Variants in NXPH2 observed in about 807,000 individuals in gnomAD.
NXPH2 encodes neurexophilin 2.
Under a neutral mutation model 19.8 loss-of-function variants are expected in NXPH2, and 5 were observed. That is an observed-to-expected ratio of 0.25 (90% CI 0.13 to 0.53). The LOEUF is 0.53. NXPH2 is among the 20% of genes least tolerant of loss of function. The pLI, the probability that NXPH2 is intolerant of heterozygous loss-of-function variation, is 0.96. For missense variants in NXPH2, 289 were observed against 322.8 expected, an observed-to-expected ratio of 0.90 and a Z score of 0.80; for synonymous variants, 154 against 127.4, an observed-to-expected ratio of 1.21 and a Z score of -1.41.
rs72986847 is a variant in NXPH2, at chr2:138,677,524, A to G, written c.52-5859T>C. 3.5e-3 allele frequency among the ~76,000 whole-genome samples: 534 copies of G among 152,320 alleles called. 3 individuals carry two copies. The highest frequency in any genetic ancestry group is 8.7e-3 in the African/African-American group (362 of 41,572). On this transcript the variant is annotated intron_variant, in intron 1 of 1. Coordinates refer to ENST00000272641, the MANE Select transcript of NXPH2 (RefSeq NM_007226.3). Reference sequence around the variant, plus strand: ...TTCATCAATTAAATGAAGCAGGTGGAAGGAAGGGAGTAGAAGAATAAGACT... The same window carrying G: ...TTCATCAATTAAATGAAGCAGGTGGGAGGAAGGGAGTAGAAGAATAAGACT...
chr2:138,754,185 T>A lies in NXPH2; in HGVS notation c.51+26006A>T, dbSNP rs137868576. Among the ~76,000 whole-genome samples the A allele has an allele frequency of 9.5e-4, 144 of 152,304 alleles. No individual in the cohort carries two copies. In the East Asian group the frequency reaches 0.021, roughly 22 times the overall value. ...TCATCCTGAAATCCCCCAGCCTCTT[T>A]ATTGATTTTTTAAGTTTACATATGT... On this transcript the variant is annotated intron_variant, in intron 1 of 1. Coordinates refer to ENST00000272641, the MANE Select transcript of NXPH2 (RefSeq NM_007226.3).
chr2:138,759,850 C>G (rs1448018817), intron 1 of NXPH2, among the ~76,000 whole-genome samples: 2 of 151,884 alleles, frequency 1.3e-5, no homozygotes, highest in African/African-American at 4.8e-5. Flanking sequence ...CTGCCTCAGC[C>G]TCCCGCTTAG....
At chr2:138,738,734 G>A (rs750402977) in intron 1 of NXPH2, among the ~76,000 whole-genome samples, 2 of 152,170 alleles carry the variant, frequency 1.3e-5, no homozygotes, top group Non-Finnish European at 2.9e-5. Context: ...CAGAACCAAG[G>A]GGACTGCCTG....
At chr2:138,737,964 C>T (rs915850351) in intron 1 of NXPH2, among the ~76,000 whole-genome samples, 13 of 151,404 alleles carry the variant, frequency 8.6e-5, no homozygotes, top group African/African-American at 2.2e-4. Context: ...ATGTGCACAA[C>T]GTGCAGGTTA....
chr2:138,718,896 G>T (rs966529953), intron 1 of NXPH2, among the ~76,000 whole-genome samples: 1 of 152,186 alleles, frequency 6.6e-6, no homozygotes, highest in East Asian at 1.9e-4. Flanking sequence ...CAGGAGACGG[G>T]AGACACAGTC....
At chr2:138,717,768 A>G (rs892751564) in intron 1 of NXPH2, among the ~76,000 whole-genome samples, 1 of 152,218 alleles carries the variant, frequency 6.6e-6, no homozygotes, top group Non-Finnish European at 1.5e-5. Flanking sequence ...AATGTTATCA[A>G]TAGAAATGTG....
At chr2:138,706,358 G>A (rs1681008854) in intron 1 of NXPH2, among the ~76,000 whole-genome samples, 1 of 152,188 alleles carries the variant, frequency 6.6e-6, no homozygotes, top group Admixed American at 6.5e-5. Flanking sequence ...GAAAAGTTAA[G>A]AAGTTGTTTA....
At chr2:138,699,291 G>C (rs538472026) in intron 1 of NXPH2, among the ~76,000 whole-genome samples, 1 of 152,222 alleles carries the variant, frequency 6.6e-6, no homozygotes, top group South Asian at 2.1e-4. Flanking sequence ...GGAAATGAAA[G>C]TGCTGCCCTA....
intron 1 of NXPH2, among the ~76,000 whole-genome samples, chr2:138,741,013 C>T (rs1681633956): frequency 6.6e-6 from 1 of 151,992 alleles, no homozygotes; most frequent in African/African-American, 2.4e-5. Flanking sequence ...CTGGGACAAT[C>T]CCCTTGCTTC....
chr2:138,748,730 C>T (rs1267666087), intron 1 of NXPH2, among the ~76,000 whole-genome samples: 3 of 151,992 alleles, frequency 2.0e-5, no homozygotes, highest in Non-Finnish European at 4.4e-5. Context: ...TACTTACTGA[C>T]TATTGGATTA....
intron 1 of NXPH2, among the ~76,000 whole-genome samples, chr2:138,761,462 T>A (rs947932572): frequency 1.3e-5 from 2 of 152,218 alleles, no homozygotes; most frequent in African/African-American, 4.8e-5. Context: ...TACATTTCTT[T>A]ATGGGTTTGA....
chr2:138,705,931 T>C (rs1165656813), intron 1 of NXPH2, among the ~76,000 whole-genome samples: 1 of 152,244 alleles, frequency 6.6e-6, no homozygotes, highest in African/African-American at 2.4e-5. Flanking sequence ...GACTTCACTC[T>C]GATTGTGATC....
chr2:138,736,509 A>T (rs1049968001), intron 1 of NXPH2, among the ~76,000 whole-genome samples: 5 of 152,194 alleles, frequency 3.3e-5, no homozygotes, highest in African/African-American at 1.2e-4. Flanking sequence ...TGTACACAGC[A>T]TGGGGTCTCC....
At chr2:138,686,906 T>A in intron 1 of NXPH2, among the ~76,000 whole-genome samples, 1 of 152,224 alleles carries the variant, frequency 6.6e-6, no homozygotes, top group Non-Finnish European at 1.5e-5. Context: ...GGCTGCATAG[T>A]ATTCCATGGT....
intron 1 of NXPH2, among the ~76,000 whole-genome samples, chr2:138,696,223 T>A (rs1466947676): frequency 2.6e-5 from 4 of 152,176 alleles, no homozygotes; most frequent in Non-Finnish European, 5.9e-5. Context: ...CAGTGTACCA[T>A]GTCTAGGAAT....
At chr2:138,746,797 C>T (rs1406086291) in intron 1 of NXPH2, among the ~76,000 whole-genome samples, 3 of 152,110 alleles carry the variant, frequency 2.0e-5, no homozygotes, top group Non-Finnish European at 4.4e-5. Context: ...GTTGTCTAAC[C>T]CACAGAAGTT....
intron 1 of NXPH2, among the ~76,000 whole-genome samples, chr2:138,686,411 C>T: frequency 6.6e-6 from 1 of 152,050 alleles, no homozygotes; most frequent in Admixed American, 6.6e-5. Flanking sequence ...AAGCTCCACC[C>T]ATTAGGAATT....
chr2:138,724,471 T>C (rs1681327114), intron 1 of NXPH2, among the ~76,000 whole-genome samples: 1 of 152,234 alleles, frequency 6.6e-6, no homozygotes, highest in African/African-American at 2.4e-5. Flanking sequence ...TGTGCATGCT[T>C]GTGTGCTTAC....
chr2:138,724,835 A>G (rs779224724), intron 1 of NXPH2, among the ~76,000 whole-genome samples: 3 of 152,258 alleles, frequency 2.0e-5, no homozygotes, highest in Non-Finnish European at 4.4e-5. Flanking sequence ...ATTCTGCAAC[A>G]TGCTTTATGC....
Sources: allele counts gnomAD v4.1 joint callset (sites outside exome capture counted in the v4.1 genomes callset), GRCh38; gene constraint gnomAD v4.1.1; transcripts MANE v1.5; gene names NCBI Gene and HGNC (gene_info 2026-07-23, HGNC 2026-07-21).